CDH23: variants seen among roughly 807,000 people sequenced by gnomAD.
CDH23 encodes the protein cadherin related 23, also known as cadherin-23.
In CDH23, 189 loss-of-function variants were observed where a neutral mutation model predicts 317.1. The ratio of observed to expected loss-of-function variants is 0.60; its 90% CI spans 0.53 to 0.67. The LOEUF (loss-of-function observed/expected upper bound fraction) is 0.67, where lower values mean the gene tolerates loss of function less well. Among genes scored for constraint, CDH23 ranks in the 30% least tolerant of loss-of-function variants. CDH23 has a pLI of 0.00. For missense variants in CDH23, 4,401 were observed against 4,592.4 expected (o/e 0.96, Z 1.20); for synonymous variants, 1,839 against 1,876.8 (o/e 0.98, Z 0.52).
intron 1 of CDH23, among the ~76,000 whole-genome samples, chr10:71,432,632 CAGCCTTG>C (rs113827585): frequency 1.9e-4 from 29 of 152,260 alleles, no homozygotes; most frequent in African/African-American, 6.7e-4. Flanking sequence ...GGCCAAGTGC[CAGCCTTG>C]GGCCTTGTCT....
chr10:71,706,900 T>C lies in CDH23; in HGVS notation c.2957T>C (p.Leu986Pro). 1 of 1,599,126 alleles carries C rather than the reference T, an allele frequency of 6.3e-7. No homozygotes were observed. The highest frequency in any genetic ancestry group is 8.5e-7 in the Non-Finnish European group (1 of 1,173,446). ...CGGCGCCCGTTCTGCCCCGCAGTGC[T>C]GGATGTGAACGACGAGACGCCCACC... ...SSTSTLTIHV[L>P]DVNDETPTFF... Residue 986 changes from leucine to proline, a missense_variant, in exon 26 of 70, where the codon CTG (leucine) becomes CCG (proline). Physicochemically the swap from Leu to Pro is moderately conservative, Grantham distance 98. Around this residue, in one of 3 missense-constraint regions of CDH23, gnomAD observed 3,068 missense variants for 3,203.3 expected, o/e 0.96. Coordinates refer to ENST00000224721, the MANE Select transcript of CDH23 (RefSeq NM_022124.6).
intron 51 of CDH23, 88 bp downstream of exon 51, chr10:71,799,368 C>T: frequency 6.2e-7 from 1 of 1,606,678 alleles, no homozygotes; most frequent in South Asian, 1.1e-5. Flanking sequence ...CTGCCAGCCT[C>T]TAAGCCCCCT....
intron 46 of CDH23, 43 bp downstream of exon 46, chr10:71,790,456 G>T (rs1430358797): frequency 6.2e-7 from 1 of 1,602,382 alleles, no homozygotes; most frequent in South Asian, 1.1e-5. Context: ...CTGATTCTGG[G>T]GTGGGGATGG....
At chr10:71,574,438 G>T (rs1028007286) in intron 8 of CDH23, among the ~76,000 whole-genome samples, 1 of 152,082 alleles carries the variant, frequency 6.6e-6, no homozygotes, top group Non-Finnish European at 1.5e-5. Context: ...GACTGGAATT[G>T]ACTGGAATTA....
intron 11 of CDH23, among the ~76,000 whole-genome samples, chr10:71,618,828 A>AGTGTGTGTGCACACGTGT (rs1861326709): frequency 1.3e-5 from 2 of 150,842 alleles, no homozygotes; most frequent in African/African-American, 4.9e-5. Flanking sequence ...TGTGTGCTCA[A>AGTGTGTGTGCACACGTGT]GTGTGTGTGC....
intron 38 of CDH23, chr10:71,752,013 G>T: frequency 1.1e-6 from 1 of 884,222 alleles, no homozygotes; most frequent in Non-Finnish European, 1.8e-6. Context: ...CAGGAGCCAG[G>T]CCCACAGAGC....
At chr10:71,602,674 C>A (rs1183276979) in intron 9 of CDH23, among the ~76,000 whole-genome samples, 2 of 152,152 alleles carry the variant, frequency 1.3e-5, no homozygotes, top group African/African-American at 2.4e-5. Flanking sequence ...CTCTGCCCAT[C>A]TTTCCTGCTT....
chr10:71,651,572 T>A (rs955232769), intron 14 of CDH23, among the ~76,000 whole-genome samples: 1 of 143,718 alleles, frequency 7.0e-6, no homozygotes, highest in African/African-American at 2.6e-5. Context: ...AAAAAACCAC[T>A]GGAGGAGAGA....
intron 11 of CDH23, among the ~76,000 whole-genome samples, chr10:71,634,078 T>C (rs1456399821): frequency 6.6e-6 from 1 of 152,246 alleles, no homozygotes; most frequent in Non-Finnish European, 1.5e-5. Context: ...GCCAGGCAGC[T>C]GCAGATTGGG....
chr10:71,675,316 A>G, intron 15 of CDH23, 140 bp downstream of exon 15: 1 of 693,488 alleles, frequency 1.4e-6, no homozygotes, highest in South Asian at 1.7e-5. Flanking sequence ...TGGAAGTTGG[A>G]ACCCATGGGC....
At chr10:71,753,268 AT>A (rs1840053525) in intron 38 of CDH23, among the ~76,000 whole-genome samples, 2 of 152,354 alleles carry the variant, frequency 1.3e-5, no homozygotes, top group Non-Finnish European at 2.9e-5. Flanking sequence ...TAAGAACGCT[AT>A]CTGCCATCAG....
At chr10:71,498,718 A>T (rs559237291) in intron 3 of CDH23, among the ~76,000 whole-genome samples, 3 of 152,298 alleles carry the variant, frequency 2.0e-5, no homozygotes, top group South Asian at 2.1e-4. Context: ...TCTGTGATGC[A>T]TTGGGTTGTA....
At chr10:71,523,004 C>A (rs950498958) in intron 6 of CDH23, among the ~76,000 whole-genome samples, 1 of 152,132 alleles carries the variant, frequency 6.6e-6, no homozygotes, top group African/African-American at 2.4e-5. Context: ...CTTGTCTGCC[C>A]CCCAAAGCAA....
At position 71,496,582 on chromosome 10, in the gene CDH23, A is replaced by G. The variant is rs534622469; in HGVS notation, c.146-13500A>G. 1.0e-3 allele frequency among the ~76,000 whole-genome samples: 158 copies of G among 152,352 alleles called. 1 individual carries two copies. Among genetic ancestry groups the G allele is most frequent in the Admixed American group, 9.8e-4 (15 of 15,310 alleles). ...ACAACGTTGGGAGTGTGGGATGCAG[A>G]CACCAGTATTGCTCGAAAGCTCCAG... On this transcript the variant is annotated intron_variant, in intron 3 of 69. Transcript: ENST00000224721.
intron 9 of CDH23, among the ~76,000 whole-genome samples, chr10:71,605,913 G>C (rs1359401030): frequency 6.6e-6 from 1 of 152,166 alleles, no homozygotes. Flanking sequence ...TCAGGAAATA[G>C]GTTCTTATTT....
chr10:71,425,193 C>T (rs536943189), intron 1 of CDH23, among the ~76,000 whole-genome samples: 118 of 125,466 alleles, frequency 9.4e-4, no homozygotes, highest in Non-Finnish European at 1.6e-3. Context: ...GGGGAGGAAA[C>T]CGGCTTGGCT....
intron 6 of CDH23, among the ~76,000 whole-genome samples, chr10:71,548,988 G>C (rs1314174418): frequency 3.9e-5 from 6 of 152,262 alleles, no homozygotes; most frequent in African/African-American, 1.2e-4. Flanking sequence ...AGCGTAATTA[G>C]TACAGTTAAC....
chr10:71,802,772 A>T, intron 53 of CDH23, 126 bp from the exon 54 acceptor site: 1 of 981,844 alleles, frequency 1.0e-6, no homozygotes, highest in Non-Finnish European at 1.6e-6. Flanking sequence ...ACACATTAGA[A>T]GACATTACCT....
intron 11 of CDH23, chr10:71,617,598 T>A: frequency 7.6e-7 from 1 of 1,321,086 alleles, no homozygotes. Context: ...AAAAAACATG[T>A]AAGCACATGT....
Sources: gnomAD v4.1 joint callset for allele counts (sites outside exome capture counted in the v4.1 genomes callset) on GRCh38, gnomAD v4.1.1 for gene constraint, gnomAD v4.1.1 regional missense constraint, MANE v1.5 for transcripts, NCBI Gene and HGNC (gene_info 2026-07-23, HGNC 2026-07-21) for gene names.